The following OTUD7A variants were observed in gnomAD, a reference collection of about 807,000 sequenced individuals.
OTUD7A encodes OTU domain-containing protein 7A.
In OTUD7A, 12 loss-of-function variants were observed where a neutral mutation model predicts 65.7. The ratio of observed to expected loss-of-function variants is 0.18; its 90% CI spans 0.12 to 0.30. OTUD7A has a LOEUF of 0.30. OTUD7A is among the 10% of genes least tolerant of loss of function. The pLI, the probability that OTUD7A is intolerant of heterozygous loss-of-function variation, is 1.00. For missense variants in OTUD7A, 1,148 were observed against 1,304.8 expected, an observed-to-expected ratio of 0.88 and a Z score of 1.85; for synonymous variants, 641 against 586.3, an observed-to-expected ratio of 1.09 and a Z score of -1.35.
At chr15:31,587,223 C>T (rs964849080) in intron 3 of OTUD7A, among the ~76,000 whole-genome samples, 5 of 152,112 alleles carry the variant, frequency 3.3e-5, no homozygotes, top group African/African-American at 1.2e-4. Context: ...CCATTGCCAC[C>T]CTAGGTTGGC....
intron 1 of OTUD7A, among the ~76,000 whole-genome samples, chr15:31,776,452 C>T (rs932694737): frequency 6.6e-6 from 1 of 152,126 alleles, no homozygotes; most frequent in African/African-American, 2.4e-5. Flanking sequence ...TGTGGTGTGA[C>T]TGGAGATCTG....
intron 1 of OTUD7A, among the ~76,000 whole-genome samples, chr15:31,715,935 G>C (rs1388718215): frequency 3.8e-5 from 1 of 26,040 alleles, no homozygotes; most frequent in Non-Finnish European, 3.1e-4. Flanking sequence ...AACGGGTGCT[G>C]CCCACAGTGC....
In OTUD7A at chr15:31,484,228, G is replaced by A; in HGVS notation, c.1868C>T (p.Thr623Met). ...GATGTTGAGGCTCAGCTTCACATCC[G>A]TGCTGTACTTCCAGGCGTCGCCCCG... is the stretch of plus-strand genomic sequence containing the variant. ...GPRGDAWKYSTDVKLSLNILR... is the reference protein window; with the variant it reads ...GPRGDAWKYSMDVKLSLNILR... Residue 623 changes from threonine to methionine, a missense_variant, in exon 13 of 13, where the codon ACG (threonine) becomes ATG (methionine). Physicochemically the swap from Thr to Met is moderately conservative, Grantham distance 81. Transcript: ENST00000307050. This position sits in a 1 kb window ranked among gnomAD's most constrained non-coding sequence, Gnocchi z 4.5. 2 of 1,605,614 alleles carry A rather than the reference G, an allele frequency of 1.2e-6. 1 individual carries two copies. Among genetic ancestry groups the A allele is most frequent in the African/African-American group, 2.7e-5 (2 of 74,916 alleles).
At chr15:31,720,558 G>A (rs1159488728) in intron 1 of OTUD7A, among the ~76,000 whole-genome samples, 37 of 151,786 alleles carry the variant, frequency 2.4e-4, no homozygotes, top group Non-Finnish European at 5.0e-4. Flanking sequence ...CCGCCACCTC[G>A]CCCGGCTAAT....
At chr15:31,653,018 A>G (rs1219821165) in intron 3 of OTUD7A, among the ~76,000 whole-genome samples, 1 of 152,158 alleles carries the variant, frequency 6.6e-6, no homozygotes, top group Non-Finnish European at 1.5e-5. Context: ...TGGGAGGCTG[A>G]GGCGGGCAGA....
chr15:31,765,764 C>T (rs1895079249), intron 1 of OTUD7A: 2 of 1,322,976 alleles, frequency 1.5e-6, no homozygotes, highest in East Asian at 2.3e-5. Context: ...GACTACAGAA[C>T]TTTGGTTTTC....
At chr15:31,626,763 A>C (rs1383972199) in intron 3 of OTUD7A, among the ~76,000 whole-genome samples, 1 of 152,018 alleles carries the variant, frequency 6.6e-6, no homozygotes, top group African/African-American at 2.4e-5. Context: ...TTTAGTAAAG[A>C]CAGGGTTGTA....
intron 1 of OTUD7A, among the ~76,000 whole-genome samples, chr15:31,686,555 C>G (rs1304654445): frequency 6.6e-6 from 1 of 152,240 alleles, no homozygotes; most frequent in Non-Finnish European, 1.5e-5. Context: ...AAGACACAGT[C>G]CCATCTCCAA....
rs937091511 is a variant in OTUD7A at position 31,514,247 on chromosome 15, C to T, written c.894-10429G>A. On this transcript the variant is annotated intron_variant, in intron 8 of 12. Coordinates refer to ENST00000307050, the MANE Select transcript of OTUD7A (RefSeq NM_001382637.1). ...TTTCATTTTTGTAGAGACGGGGTCT[C>T]GCTATGTTGCCAAGGCTGGTCTCGA... is the stretch of plus-strand genomic sequence containing the variant. Among the ~76,000 whole-genome samples the T allele has an allele frequency of 2.0e-4, 31 of 152,010 alleles. 1 individual carries two copies. Among genetic ancestry groups the T allele is most frequent in the Middle Eastern group, 3.4e-3 (1 of 294 alleles).
intron 1 of OTUD7A, among the ~76,000 whole-genome samples, chr15:31,823,230 G>A (rs947034623): frequency 6.6e-6 from 1 of 152,208 alleles, no homozygotes; most frequent in East Asian, 1.9e-4. Context: ...AGCAGAAATC[G>A]AGAAATTCAC....
chr15:31,789,658 C>G (rs1156429151), intron 1 of OTUD7A, among the ~76,000 whole-genome samples: 1 of 151,102 alleles, frequency 6.6e-6, no homozygotes, highest in East Asian at 1.9e-4. Context: ...AGAAAAATTG[C>G]AGTTACTGGG....
rs111349635 is a variant in OTUD7A, at chr15:31,788,228, G to C, written c.-100+82279C>G. On this transcript the variant is annotated intron_variant, in intron 1 of 12. Transcript: ENST00000307050. ...GCCTTGTAGACACTAAGAAATATGC[G>C]TAAGACTTTGCACTAATGTGCCTGA... 5.9e-3 allele frequency among the ~76,000 whole-genome samples: 895 copies of C among 152,176 alleles called. 4 individuals carry two copies. Among genetic ancestry groups the C allele is most frequent in the African/African-American group, 0.021 (859 of 41,514 alleles).
At chr15:31,627,123 G>T (rs1890983182) in intron 3 of OTUD7A, among the ~76,000 whole-genome samples, 1 of 151,770 alleles carries the variant, frequency 6.6e-6, no homozygotes, top group South Asian at 2.1e-4. Flanking sequence ...AAGTTTTAGG[G>T]TACATGTGCA....
At chr15:31,651,260 T>C (rs1891826993) in intron 3 of OTUD7A, among the ~76,000 whole-genome samples, 1 of 146,376 alleles carries the variant, frequency 6.8e-6, no homozygotes, top group South Asian at 2.1e-4. Context: ...TGATCTTCAT[T>C]TTAAAAATTC....
intron 1 of OTUD7A, among the ~76,000 whole-genome samples, chr15:31,713,289 G>A (rs4313777): frequency 2.2e-4 from 33 of 151,852 alleles, no homozygotes; most frequent in African/African-American, 6.0e-4. Context: ...GGGATGGGCA[G>A]AGAGTTCTGA....
chr15:31,651,172 T>C (rs879586591), intron 3 of OTUD7A, among the ~76,000 whole-genome samples: 7 of 142,158 alleles, frequency 4.9e-5, no homozygotes, highest in Non-Finnish European at 9.1e-5. Context: ...TGGAAAGAAA[T>C]AGCTGAAAGT....
At chr15:31,758,690 A>C (rs10468013) in intron 1 of OTUD7A, among the ~76,000 whole-genome samples, 11,381 of 152,228 alleles carry the variant, frequency 0.075, 1,017 homozygotes, top group African/African-American at 0.22. Context: ...GCTTCAGCTC[A>C]AGACTTTGCC....
At chr15:31,757,401 A>G (rs1229928692) in intron 1 of OTUD7A, among the ~76,000 whole-genome samples, 3 of 151,274 alleles carry the variant, frequency 2.0e-5, no homozygotes, top group Non-Finnish European at 4.4e-5. Flanking sequence ...TGGCACAGAG[A>G]AAGGACTTGC....
chr15:31,661,465 T>A (rs185322393), intron 1 of OTUD7A, among the ~76,000 whole-genome samples: 311 of 152,312 alleles, frequency 2.0e-3, no homozygotes, highest in African/African-American at 7.3e-3. Flanking sequence ...GTATATATTT[T>A]AAAAATATTT....
Sources: gnomAD v4.1 joint callset for allele counts (sites outside exome capture counted in the v4.1 genomes callset) on GRCh38, gnomAD v4.1.1 for gene constraint, Gnocchi (gnomAD v3.1) non-coding constraint, MANE v1.5 for transcripts, NCBI Gene and HGNC (gene_info 2026-07-23, HGNC 2026-07-21) for gene names.